The following GNAO1 variants were observed in gnomAD, a reference collection of about 807,000 sequenced individuals.
The protein encoded by GNAO1 is guanine nucleotide-binding protein G(o) subunit alpha.
For synonymous variants in GNAO1, 164 were observed against 180.7 expected (o/e 0.91, Z 0.74); for missense variants, 166 against 478.7 (o/e 0.35, Z 6.10).
At chr16:56,269,724 C>A (rs892114107) in intron 2 of GNAO1, among the ~76,000 whole-genome samples, 4 of 152,170 alleles carry the variant, frequency 2.6e-5, no homozygotes, top group Admixed American at 6.5e-5. Context: ...GGCATTTAAT[C>A]TAGCTGGAGA....
At chr16:56,192,731 C>CAT in intron 2 of GNAO1, 115 bp downstream of exon 2, 1 of 663,314 alleles carries the variant, frequency 1.5e-6, no homozygotes, top group Non-Finnish European at 2.8e-6. Context: ...TTCGTGCACA[C>CAT]ACACACACAC....
chr16:56,268,693 C>T (rs566845504), intron 2 of GNAO1, among the ~76,000 whole-genome samples: 21 of 152,276 alleles, frequency 1.4e-4, no homozygotes, highest in Admixed American at 1.1e-3. Context: ...GTTACACATC[C>T]TCACATAATA....
At chr16:56,300,030 TGTGTGTGC>T (rs1379109706) in intron 3 of GNAO1, among the ~76,000 whole-genome samples, 15 of 132,832 alleles carry the variant, frequency 1.1e-4, no homozygotes, top group Admixed American at 3.0e-4. Flanking sequence ...TGTGTGTGTG[TGTGTGTGC>T]GCGCGCGCGC....
At chr16:56,267,986 G>A (rs1212458741) in intron 2 of GNAO1, among the ~76,000 whole-genome samples, 2 of 149,600 alleles carry the variant, frequency 1.3e-5, no homozygotes, top group Admixed American at 1.3e-4. Context: ...TTGATTAGAT[G>A]TTTTTCTCAC....
chr16:56,281,838 G>T (rs940482462), intron 3 of GNAO1, among the ~76,000 whole-genome samples: 1 of 152,180 alleles, frequency 6.6e-6, no homozygotes, highest in East Asian at 1.9e-4. Flanking sequence ...TGGACCAGTG[G>T]GGGGGATGGG....
At chr16:56,339,545 G>A (rs537111976) in intron 6 of GNAO1, among the ~76,000 whole-genome samples, 4 of 152,346 alleles carry the variant, frequency 2.6e-5, no homozygotes, top group African/African-American at 9.6e-5. Flanking sequence ...TCCCTCTCTG[G>A]CCTGGGGTGA....
chr16:56,243,279 C>T (rs2036711765), intron 2 of GNAO1, among the ~76,000 whole-genome samples: 1 of 152,096 alleles, frequency 6.6e-6, no homozygotes, highest in Non-Finnish European at 1.5e-5. Context: ...CTCCATCCCC[C>T]ACAACCCCAG....
chr16:56,317,598 A>G (rs1394108492), intron 3 of GNAO1, among the ~76,000 whole-genome samples: 1 of 152,060 alleles, frequency 6.6e-6, no homozygotes, highest in Non-Finnish European at 1.5e-5. Flanking sequence ...GTGGGTTGGA[A>G]GGGATGTGAG....
chr16:56,343,635 G>T, intron 6 of GNAO1: 1 of 671,076 alleles, frequency 1.5e-6, no homozygotes, highest in South Asian at 1.9e-5. Context: ...CCTCCATCAG[G>T]TTTTCCCTGT....
At chr16:56,302,010 G>A (rs1439349337) in intron 3 of GNAO1, 1 of 152,264 alleles carries the variant, frequency 6.6e-6, no homozygotes, top group Non-Finnish European at 1.5e-5. Context: ...CCCCGCCCAG[G>A]GGTCCTGCCT....
chr16:56,346,876 A>G lies in GNAO1; in HGVS notation c.724-4508A>G, dbSNP rs80350187. ...TGTAACTAAGCTGTCTATAAACCCCAGCAGGGAAGGCCAAGGGATGGTCTC... is the reference window on the plus strand; with the variant it reads ...TGTAACTAAGCTGTCTATAAACCCCGGCAGGGAAGGCCAAGGGATGGTCTC... On this transcript the variant is annotated intron_variant, in intron 6 of 8. Transcript: ENST00000262493. 179 of 985,488 alleles carry G rather than the reference A, an allele frequency of 1.8e-4. No individual in the cohort carries two copies. In the African/African-American group the frequency reaches 2.8e-3, roughly 16 times the overall value. 61.0% of individuals were successfully genotyped at this position (985,488 alleles called of 1,614,324 possible).
chr16:56,336,452 C>T, intron 5 of GNAO1: 1 of 329,522 alleles, frequency 3.0e-6, no homozygotes, highest in Non-Finnish European at 5.6e-6. Context: ...CAGGTGCGCC[C>T]TCTTAGTAAA....
chr16:56,344,059 C>T, intron 6 of GNAO1: 1 of 1,515,542 alleles, frequency 6.6e-7, no homozygotes, highest in South Asian at 1.3e-5. Flanking sequence ...AGGAAGAAGA[C>T]CTCAGAGGCT....
intron 3 of GNAO1, among the ~76,000 whole-genome samples, chr16:56,327,232 C>T (rs891090314): frequency 4.6e-5 from 7 of 152,034 alleles, no homozygotes; most frequent in African/African-American, 1.4e-4. Flanking sequence ...TGACAGAGCC[C>T]GGGCGTATTC....
chr16:56,265,607 T>A (rs2036943909), intron 2 of GNAO1, among the ~76,000 whole-genome samples: 1 of 152,134 alleles, frequency 6.6e-6, no homozygotes. Context: ...TGGCTGAAAT[T>A]TTTTTCTTCT....
At chr16:56,296,825 T>G (rs2037291953) in intron 3 of GNAO1, among the ~76,000 whole-genome samples, 1 of 152,182 alleles carries the variant, frequency 6.6e-6, no homozygotes, top group Non-Finnish European at 1.5e-5. Flanking sequence ...ATCTGAGTTG[T>G]TTCTGGAGAC....
chr16:56,287,073 G>C (rs1178714887), intron 3 of GNAO1, among the ~76,000 whole-genome samples: 1 of 152,210 alleles, frequency 6.6e-6, no homozygotes, highest in Non-Finnish European at 1.5e-5. Flanking sequence ...TCCCATGGCA[G>C]CCTCTCCCCT....
At chr16:56,213,037 G>A (rs1246311285) in intron 2 of GNAO1, among the ~76,000 whole-genome samples, 4 of 152,212 alleles carry the variant, frequency 2.6e-5, no homozygotes, top group South Asian at 2.1e-4. Context: ...CCAGCACCAC[G>A]GACATCTGCT....
intron 2 of GNAO1, among the ~76,000 whole-genome samples, chr16:56,221,852 T>G (rs528009977): frequency 5.5e-4 from 84 of 152,188 alleles, no homozygotes; most frequent in Middle Eastern, 6.8e-3. Flanking sequence ...TGTCCTGTGG[T>G]CTTTGATTTT....
Sources: allele counts gnomAD v4.1 joint callset (sites outside exome capture counted in the v4.1 genomes callset), GRCh38; gene constraint gnomAD v4.1.1; transcripts MANE v1.5; gene names NCBI Gene and HGNC (gene_info 2026-07-23, HGNC 2026-07-21).